Variants in CARMIL1 observed in about 807,000 individuals in gnomAD.
The protein encoded by CARMIL1 is capping protein regulator and myosin 1 linker 1, also known as F-actin-uncapping protein LRRC16A.
CARMIL1 carries 90 observed loss-of-function variants against 177.1 expected under a neutral mutation model. That is an observed-to-expected ratio of 0.51 (90% CI 0.43 to 0.61). The LOEUF (loss-of-function observed/expected upper bound fraction) is 0.61, where lower values mean the gene tolerates loss of function less well. Among genes scored for constraint, CARMIL1 ranks in the 20% least tolerant of loss-of-function variants. The pLI is 0.00. For missense variants in CARMIL1, 1,380 were observed against 1,667.0 expected, an observed-to-expected ratio of 0.83 and a Z score of 3.00; for synonymous variants, 577 against 606.2, an observed-to-expected ratio of 0.95 and a Z score of 0.71.
At chr6:25,441,405 A>C (rs1035789112) in intron 5 of CARMIL1, among the ~76,000 whole-genome samples, 4 of 143,916 alleles carry the variant, frequency 2.8e-5, no homozygotes, top group Non-Finnish European at 4.6e-5. Context: ...ATATGTAATC[A>C]GCTCTTAAGA....
intron 33 of CARMIL1, among the ~76,000 whole-genome samples, chr6:25,604,488 T>C (rs1353225534): frequency 1.3e-5 from 2 of 152,108 alleles, no homozygotes; most frequent in Non-Finnish European, 2.9e-5. Flanking sequence ...CCTGCATAGG[T>C]GTTCAACAAG....
At chr6:25,316,170 A>G (rs1466284474) in intron 2 of CARMIL1, among the ~76,000 whole-genome samples, 1 of 151,798 alleles carries the variant, frequency 6.6e-6, no homozygotes, top group African/African-American at 2.4e-5. Context: ...ACAGAATTGA[A>G]AGTAGCCTTA....
At chr6:25,450,823 CCCTCCCCTT>C in intron 8 of CARMIL1, 112 bp downstream of exon 8, 1 of 237,134 alleles carries the variant, frequency 4.2e-6, no homozygotes, top group Non-Finnish European at 7.7e-6. Flanking sequence ...CCCTCCCCTT[CCCTCCCCTT>C]CCCTCCCCTC....
intron 2 of CARMIL1, among the ~76,000 whole-genome samples, chr6:25,398,621 G>T (rs1793625079): frequency 6.6e-6 from 1 of 152,166 alleles, no homozygotes; most frequent in South Asian, 2.1e-4. Context: ...GCTGGCTATG[G>T]GAATAGAAGA....
At chr6:25,516,922 G>C (rs301376) in intron 21 of CARMIL1, among the ~76,000 whole-genome samples, 19,153 of 152,154 alleles carry the variant, frequency 0.13, 1,406 homozygotes, top group Middle Eastern at 0.2. Flanking sequence ...TTACTGTTTG[G>C]GGGGAACAAT....
chr6:25,440,506 A>G (rs1186498185), intron 5 of CARMIL1, among the ~76,000 whole-genome samples: 1 of 152,142 alleles, frequency 6.6e-6, no homozygotes, highest in Non-Finnish European at 1.5e-5. Flanking sequence ...TGTGGTTTCT[A>G]TGTTGTGCCT....
chr6:25,314,790 ATAACT>A (rs992539904), intron 2 of CARMIL1, among the ~76,000 whole-genome samples: 26 of 152,274 alleles, frequency 1.7e-4, no homozygotes, highest in African/African-American at 6.3e-4. Flanking sequence ...GATGCCCAAA[ATAACT>A]TTTATTTTTA....
chr6:25,508,390 A>G (rs975003658), intron 17 of CARMIL1, among the ~76,000 whole-genome samples: 2 of 152,160 alleles, frequency 1.3e-5, no homozygotes, highest in African/African-American at 4.8e-5. Flanking sequence ...CCTTAGAGCA[A>G]TCTGTCACCT....
At chr6:25,570,058 G>T (rs998553198) in intron 29 of CARMIL1, among the ~76,000 whole-genome samples, 4 of 151,854 alleles carry the variant, frequency 2.6e-5, no homozygotes, top group African/African-American at 9.7e-5. Flanking sequence ...TCCGCCTCCC[G>T]AGTTCACGCC....
At chr6:25,362,506 C>T (rs921672990) in intron 2 of CARMIL1, among the ~76,000 whole-genome samples, 5 of 152,060 alleles carry the variant, frequency 3.3e-5, no homozygotes, top group Admixed American at 1.3e-4. Flanking sequence ...AAAACCCTGT[C>T]TCTACTAAAA....
chr6:25,341,495 G>A (rs1009221374), intron 2 of CARMIL1, among the ~76,000 whole-genome samples: 5 of 152,172 alleles, frequency 3.3e-5, no homozygotes, highest in Non-Finnish European at 7.4e-5. Flanking sequence ...AGGCTGAGGC[G>A]GGTGGATCAC....
chr6:25,447,406 A>G (rs989072042), intron 5 of CARMIL1, among the ~76,000 whole-genome samples: 2 of 152,260 alleles, frequency 1.3e-5, no homozygotes, highest in African/African-American at 4.8e-5. Flanking sequence ...CATCCATTCA[A>G]TCAGAAAATG....
At chr6:25,522,164 A>G (rs1297253618) in intron 23 of CARMIL1, among the ~76,000 whole-genome samples, 3 of 152,126 alleles carry the variant, frequency 2.0e-5, no homozygotes, top group African/African-American at 7.2e-5. Context: ...AAGTCTCATC[A>G]TTTCTTACCA....
At chr6:25,510,829 C>A in intron 20 of CARMIL1, 67 bp downstream of exon 20, 1 of 904,428 alleles carries the variant, frequency 1.1e-6, no homozygotes, top group Non-Finnish European at 1.7e-6. Context: ...ATTATTTCTA[C>A]TGGATTAATG....
intron 28 of CARMIL1, 35 bp from the exon 29 acceptor site, chr6:25,556,666 T>C: frequency 6.3e-7 from 1 of 1,588,766 alleles, no homozygotes; most frequent in Middle Eastern, 1.7e-4. Context: ...TTCTCTGTAC[T>C]TTAATTTCTC....
intron 2 of CARMIL1, among the ~76,000 whole-genome samples, chr6:25,343,876 G>T (rs1787216017): frequency 6.6e-6 from 1 of 151,990 alleles, no homozygotes; most frequent in Admixed American, 6.6e-5. Flanking sequence ...GGTAGAGCTG[G>T]GGTAGCCTCG....
intron 36 of CARMIL1, among the ~76,000 whole-genome samples, chr6:25,610,823 G>A (rs1197819996): frequency 2.0e-5 from 3 of 152,158 alleles, no homozygotes; most frequent in South Asian, 2.1e-4. Flanking sequence ...CAAAGGTGAG[G>A]CATGGTTGTG....
intron 2 of CARMIL1, among the ~76,000 whole-genome samples, chr6:25,307,399 G>A (rs775218485): frequency 1.6e-4 from 25 of 152,238 alleles, no homozygotes; most frequent in Non-Finnish European, 3.2e-4. Flanking sequence ...GAAATTCCTT[G>A]ACCTGATCTG....
intron 2 of CARMIL1, among the ~76,000 whole-genome samples, chr6:25,325,955 C>T (rs1785048577): frequency 6.6e-6 from 1 of 152,108 alleles, no homozygotes; most frequent in African/African-American, 2.4e-5. Flanking sequence ...CTGCAATCCC[C>T]ACCTCCTGGG....
Sources: gnomAD v4.1 joint callset for allele counts (sites outside exome capture counted in the v4.1 genomes callset) on GRCh38, gnomAD v4.1.1 for gene constraint, MANE v1.5 for transcripts, NCBI Gene and HGNC (gene_info 2026-07-23, HGNC 2026-07-21) for gene names.